FAR2: variants seen among roughly 807,000 people sequenced by gnomAD.
FAR2 encodes epididymis secretory protein Li 81.
Under a neutral mutation model 56.0 loss-of-function variants are expected in FAR2, and 19 were observed. The observed-to-expected ratio is 0.34, with a 90% CI of 0.24 to 0.50. The LOEUF (loss-of-function observed/expected upper bound fraction) is 0.50, where lower values mean the gene tolerates loss of function less well. FAR2 is among the 20% of genes least tolerant of loss of function. The pLI, the probability that FAR2 is intolerant of heterozygous loss-of-function variation, is 0.98. For synonymous variants in FAR2, 219 were observed against 218.8 expected, an observed-to-expected ratio of 1.00 and a Z score of -0.01; for missense variants, 508 against 642.2, an observed-to-expected ratio of 0.79 and a Z score of 2.26.
chr12:29,262,903 C>T (rs1004147653), intron 1 of FAR2, among the ~76,000 whole-genome samples: 3 of 152,084 alleles, frequency 2.0e-5, no homozygotes, highest in African/African-American at 7.2e-5. Context: ...CTACAATAAA[C>T]ACACTTCACC....
At chr12:29,241,261 A>G (rs1021545237) in intron 1 of FAR2, among the ~76,000 whole-genome samples, 6 of 152,212 alleles carry the variant, frequency 3.9e-5, no homozygotes, top group Non-Finnish European at 1.5e-5. Flanking sequence ...CAAAATGTGT[A>G]TGTATACATG....
At chr12:29,324,574 A>T (rs995966130) in intron 10 of FAR2, among the ~76,000 whole-genome samples, 92 of 152,238 alleles carry the variant, frequency 6.0e-4, no homozygotes, top group Non-Finnish European at 1.1e-3. Flanking sequence ...TACAAGCCAG[A>T]AGAGAGTGGG....
chr12:29,310,101 CT>C (rs1335177504), intron 6 of FAR2, among the ~76,000 whole-genome samples: 1 of 152,180 alleles, frequency 6.6e-6, no homozygotes, highest in East Asian at 1.9e-4. Context: ...CCCTTTCTTT[CT>C]GCTTCCCACC....
rs1374622262 is a variant in FAR2 at position 29,334,947 on chromosome 12, C to A, written c.*1153C>A. 1 of 152,110 alleles carries A rather than the reference C, an allele frequency of 6.6e-6. No individual in the cohort carries two copies. The highest frequency in any genetic ancestry group is 2.4e-5 in the African/African-American group (1 of 41,410). 9.4% of individuals were successfully genotyped at this position (152,110 alleles called of 1,614,324 possible). On this transcript the variant is annotated 3_prime_UTR_variant, in exon 12 of 12. Transcript: ENST00000536681. ...GAAAACTATACATATTCTCCAATTC[C>A]TATAGTAATAATAATGTAACTGTTA...
chr12:29,203,946 G>C (rs1947446654), intron 1 of FAR2, among the ~76,000 whole-genome samples: 3 of 139,950 alleles, frequency 2.1e-5, no homozygotes, highest in South Asian at 2.3e-4. Context: ...CTTGCAGTGA[G>C]CCGAGATTGC....
intron 4 of FAR2, among the ~76,000 whole-genome samples, chr12:29,298,616 T>C (rs555642858): frequency 1.8e-4 from 27 of 152,198 alleles, no homozygotes; most frequent in Non-Finnish European, 3.5e-4. Context: ...AATTTTAGAG[T>C]GCAGAGTTCA....
At chr12:29,317,071 A>G in intron 9 of FAR2, 59 bp downstream of exon 9, 1 of 1,516,322 alleles carries the variant, frequency 6.6e-7, no homozygotes, top group Non-Finnish European at 8.9e-7. Context: ...AAGGCCCCAA[A>G]ATCTTTAGTG....
intron 1 of FAR2, among the ~76,000 whole-genome samples, chr12:29,219,085 T>C (rs11050134): frequency 0.053 from 8,023 of 151,984 alleles, 520 homozygotes; most frequent in African/African-American, 0.15. Context: ...GACAGGGTTT[T>C]ACCATGTTGC....
intron 1 of FAR2, among the ~76,000 whole-genome samples, chr12:29,185,904 C>T (rs1950035956): frequency 6.6e-6 from 1 of 152,116 alleles, no homozygotes; most frequent in African/African-American, 2.4e-5. Flanking sequence ...GCCCCATAGA[C>T]AGAAGGAAAA....
chr12:29,257,453 C>G (rs1948340450), intron 1 of FAR2, among the ~76,000 whole-genome samples: 1 of 152,178 alleles, frequency 6.6e-6, no homozygotes, highest in African/African-American at 2.4e-5. Context: ...AGAATAAAAG[C>G]AGGCTGCCCA....
rs532544760 is a variant in FAR2, at chr12:29,208,483, A to G, written c.-39+59076A>G. 2.6e-5 allele frequency among the ~76,000 whole-genome samples: 4 copies of G among 152,362 alleles called. 1 individual carries two copies. The highest frequency in any genetic ancestry group is 9.6e-5 in the African/African-American group (4 of 41,596). ...AACCTTTCTTAAGGTGTGGCATGCAACTATGTAATGATCACAATTGTTATA... is the reference window on the plus strand; with the variant it reads ...AACCTTTCTTAAGGTGTGGCATGCAGCTATGTAATGATCACAATTGTTATA... On this transcript the variant is annotated intron_variant, in intron 1 of 11. Transcript: ENST00000536681.
At chr12:29,240,841 C>A (rs181780360) in intron 1 of FAR2, among the ~76,000 whole-genome samples, 173 of 151,810 alleles carry the variant, frequency 1.1e-3, no homozygotes, top group Non-Finnish European at 1.1e-3. Flanking sequence ...AGTCTCATTC[C>A]ATCACCCAGG....
At chr12:29,324,765 G>A (rs958050995) in intron 10 of FAR2, among the ~76,000 whole-genome samples, 1 of 152,154 alleles carries the variant, frequency 6.6e-6, no homozygotes, top group Non-Finnish European at 1.5e-5. Flanking sequence ...AACATGGAAA[G>A]GAACAACTGA....
intron 1 of FAR2, among the ~76,000 whole-genome samples, chr12:29,190,488 G>A (rs1950093996): frequency 6.6e-6 from 1 of 152,024 alleles, no homozygotes; most frequent in Admixed American, 6.6e-5. Context: ...TATTGAGACG[G>A]AGTTTCCCTC....
intron 1 of FAR2, among the ~76,000 whole-genome samples, chr12:29,264,660 GGA>G (rs113316033): frequency 1.8e-4 from 16 of 89,376 alleles, no homozygotes; most frequent in East Asian, 1.2e-3. Context: ...AATAAATAAA[GGA>G]GAGAGAGAGA....
chr12:29,266,590 AG>A (rs1038978351), intron 1 of FAR2, among the ~76,000 whole-genome samples: 7 of 152,106 alleles, frequency 4.6e-5, no homozygotes, highest in Admixed American at 4.6e-4. Flanking sequence ...ATATCAAAAC[AG>A]GGTGACTAAG....
chr12:29,149,449 C>T (rs999476417), intron 1 of FAR2, 42 bp downstream of exon 1: 1 of 152,372 alleles, frequency 6.6e-6, no homozygotes, highest in African/African-American at 2.4e-5. Flanking sequence ...AGAGCCCACG[C>T]GCTCCAAAAG....
chr12:29,215,073 T>C (rs1947606663), intron 1 of FAR2, among the ~76,000 whole-genome samples: 1 of 152,094 alleles, frequency 6.6e-6, no homozygotes, highest in African/African-American at 2.4e-5. Flanking sequence ...CAGAAATGAC[T>C]GTGGCATGTT....
intron 2 of FAR2, among the ~76,000 whole-genome samples, chr12:29,272,073 TTTCTCA>T (rs1948627834): frequency 6.6e-6 from 1 of 152,188 alleles, no homozygotes; most frequent in South Asian, 2.1e-4. Context: ...TCAGGCAGTT[TTTCTCA>T]GTTATCTACC....
Sources: gnomAD v4.1 joint callset for allele counts (sites outside exome capture counted in the v4.1 genomes callset) on GRCh38, gnomAD v4.1.1 for gene constraint, MANE v1.5 for transcripts, NCBI Gene and HGNC (gene_info 2026-07-23, HGNC 2026-07-21) for gene names.